SCAPER: variants seen among roughly 807,000 people sequenced by gnomAD.
SCAPER encodes the protein S-phase cyclin A associated protein in the ER.
In SCAPER, 98 loss-of-function variants were observed where a neutral mutation model predicts 182.2. That is an observed-to-expected ratio of 0.54 (90% CI 0.46 to 0.64). SCAPER has a LOEUF of 0.64. Ranked by LOEUF, SCAPER falls within the 30% of genes least tolerant of loss-of-function variation. The pLI is 0.00. For missense variants in SCAPER, 1,432 were observed against 1,690.0 expected (o/e 0.85, Z 2.68); for synonymous variants, 605 against 564.6 (o/e 1.07, Z -1.01).
intron 28 of SCAPER, among the ~76,000 whole-genome samples, chr15:76,378,870 G>C (rs1311784227): frequency 6.6e-6 from 1 of 152,164 alleles, no homozygotes; most frequent in Non-Finnish European, 1.5e-5. Flanking sequence ...CTGGCCACCA[G>C]TCCTAGGTGA....
intron 27 of SCAPER, among the ~76,000 whole-genome samples, chr15:76,387,128 T>G (rs751629867): frequency 1.2e-4 from 19 of 152,120 alleles, no homozygotes; most frequent in Non-Finnish European, 2.2e-4. Context: ...TCCTGATAAA[T>G]TGGATGTGGG....
chr15:76,600,845 T>C (rs28835608), intron 22 of SCAPER, among the ~76,000 whole-genome samples: 8,654 of 119,784 alleles, frequency 0.072, 1,640 homozygotes, highest in African/African-American at 0.19. Flanking sequence ...ACACTCTCTA[T>C]GAAAACACAG....
intron 17 of SCAPER, among the ~76,000 whole-genome samples, chr15:76,724,931 A>G (rs2060491314): frequency 6.6e-6 from 1 of 152,054 alleles, no homozygotes; most frequent in African/African-American, 2.4e-5. Flanking sequence ...CAACGCGTCA[A>G]AGTCATTCTC....
chr15:76,469,244 T>A (rs1395276461), intron 25 of SCAPER, among the ~76,000 whole-genome samples: 1 of 152,212 alleles, frequency 6.6e-6, no homozygotes, highest in African/African-American at 2.4e-5. Flanking sequence ...ATAAGCTTCA[T>A]GGAGTAAATT....
chr15:76,866,373 T>C (rs895849053), intron 2 of SCAPER, among the ~76,000 whole-genome samples: 1 of 152,038 alleles, frequency 6.6e-6, no homozygotes, highest in Non-Finnish European at 1.5e-5. Context: ...AATCACAAAA[T>C]AGCAATGTTG....
At chr15:76,451,821 G>T (rs1401856639) in intron 25 of SCAPER, among the ~76,000 whole-genome samples, 1 of 152,124 alleles carries the variant, frequency 6.6e-6, no homozygotes, top group Non-Finnish European at 1.5e-5. Flanking sequence ...ACTGCTTCAT[G>T]CCTTGCTATA....
chr15:76,445,176 T>C (rs2047909780), intron 25 of SCAPER, among the ~76,000 whole-genome samples: 1 of 152,236 alleles, frequency 6.6e-6, no homozygotes, highest in African/African-American at 2.4e-5. Context: ...TCTGTATGCC[T>C]TTGCATACCC....
chr15:76,765,283 A>G (rs2063041275), intron 13 of SCAPER, 54 bp downstream of exon 13: 4 of 1,379,874 alleles, frequency 2.9e-6, no homozygotes, highest in Non-Finnish European at 3.1e-6. Flanking sequence ...AACAGTCAAG[A>G]GTGGCTAGTT....
At chr15:76,539,789 C>T (rs184394600) in intron 23 of SCAPER, among the ~76,000 whole-genome samples, 40 of 152,244 alleles carry the variant, frequency 2.6e-4, no homozygotes, top group Admixed American at 4.6e-4. Flanking sequence ...TCGTGATCTG[C>T]CCGCCTCGGC....
intron 8 of SCAPER, among the ~76,000 whole-genome samples, chr15:76,784,155 C>G (rs1469986577): frequency 6.6e-6 from 1 of 152,226 alleles, no homozygotes; most frequent in African/African-American, 2.4e-5. Context: ...TGCCCAAAAT[C>G]TCCTTAACCT....
At chr15:76,404,701 A>G in intron 26 of SCAPER, 22 bp from the exon 27 acceptor site, 1 of 1,604,490 alleles carries the variant, frequency 6.2e-7, no homozygotes, top group Non-Finnish European at 8.5e-7. Flanking sequence ...GGAGAAATGC[A>G]TGTTATCAAT....
chr15:76,376,434 A>G (rs1431807560), intron 28 of SCAPER, 123 bp from the exon 29 acceptor site: 1 of 1,040,020 alleles, frequency 9.6e-7, no homozygotes, highest in Non-Finnish European at 1.4e-6. Flanking sequence ...ACATTTCTAC[A>G]GTACTATGCT....
chr15:76,605,495 G>A (rs113775034), intron 22 of SCAPER, among the ~76,000 whole-genome samples: 2 of 152,050 alleles, frequency 1.3e-5, no homozygotes, highest in African/African-American at 4.8e-5. Flanking sequence ...TTTTTTGGTT[G>A]TGTCTCTGCC....
At chr15:76,841,056 AG>A (rs1306829313) in intron 5 of SCAPER, among the ~76,000 whole-genome samples, 1 of 152,212 alleles carries the variant, frequency 6.6e-6, no homozygotes, top group African/African-American at 2.4e-5. Flanking sequence ...AAATCTCACT[AG>A]TGCCATCTAC....
At chr15:76,755,876 G>A (rs539828521) in intron 14 of SCAPER, among the ~76,000 whole-genome samples, 3 of 152,272 alleles carry the variant, frequency 2.0e-5, no homozygotes, top group African/African-American at 4.8e-5. Context: ...AAAGGGGAAC[G>A]AAGGCCAGCA....
At chr15:76,407,066 A>G (rs1406695094) in intron 26 of SCAPER, among the ~76,000 whole-genome samples, 3 of 152,222 alleles carry the variant, frequency 2.0e-5, no homozygotes, top group African/African-American at 7.2e-5. Context: ...CCAAGTAGAG[A>G]TAAGTAGAAT....
intron 4 of SCAPER, among the ~76,000 whole-genome samples, chr15:76,849,764 C>G (rs116670220): frequency 1.3e-5 from 2 of 152,302 alleles, no homozygotes; most frequent in African/African-American, 4.8e-5. Flanking sequence ...TCCGTTCTCA[C>G]GCTGCTATGA....
intron 21 of SCAPER, among the ~76,000 whole-genome samples, chr15:76,630,138 G>A (rs2052966976): frequency 6.6e-6 from 1 of 152,038 alleles, no homozygotes; most frequent in Admixed American, 6.6e-5. Flanking sequence ...TGGGGTCATT[G>A]GTGATATCCC....
At chr15:76,742,818 T>G (rs1286053496) in intron 15 of SCAPER, among the ~76,000 whole-genome samples, 2 of 152,052 alleles carry the variant, frequency 1.3e-5, no homozygotes, top group African/African-American at 4.8e-5. Context: ...TGGTACATGG[T>G]CTCAAGGAAA....
Sources: gnomAD v4.1 joint callset for allele counts (sites outside exome capture counted in the v4.1 genomes callset) on GRCh38, gnomAD v4.1.1 for gene constraint, MANE v1.5 for transcripts, NCBI Gene and HGNC (gene_info 2026-07-23, HGNC 2026-07-21) for gene names.